ME1: variants seen among roughly 807,000 people sequenced by gnomAD.
ME1 encodes NADP-dependent malic enzyme.
Under a neutral mutation model 66.4 loss-of-function variants are expected in ME1, and 74 were observed. That is an observed-to-expected ratio of 1.11 (90% CI 0.92 to 1.35). ME1 has a LOEUF of 1.35. ME1 is among the 40% of genes most tolerant of loss of function. The probability of loss-of-function intolerance (pLI) is 0.00; values close to 1 mark genes in which losing one functional copy is unlikely to be tolerated. For synonymous variants in ME1, 251 were observed against 235.6 expected (o/e 1.07, Z -0.60); for missense variants, 750 against 694.1 (o/e 1.08, Z -0.90).
chr6:83,420,359 C>T (rs887686557), intron 1 of ME1, among the ~76,000 whole-genome samples: 6 of 152,160 alleles, frequency 3.9e-5, no homozygotes, highest in Non-Finnish European at 8.8e-5. Flanking sequence ...TAAGCCACTG[C>T]GCCCAGTCTG....
chr6:83,360,459 T>C (rs4706987), intron 3 of ME1, among the ~76,000 whole-genome samples: 4 of 152,176 alleles, frequency 2.6e-5, no homozygotes, highest in African/African-American at 4.8e-5. Context: ...CAACTTACAG[T>C]GAGTCCCTGG....
intron 6 of ME1, among the ~76,000 whole-genome samples, chr6:83,272,108 G>C (rs1330456423): frequency 6.6e-6 from 1 of 152,068 alleles, no homozygotes; most frequent in Admixed American, 6.5e-5. Flanking sequence ...CTGTTTTGCT[G>C]TTAAATACTA....
At chr6:83,361,303 C>T (rs1769003205) in intron 3 of ME1, among the ~76,000 whole-genome samples, 2 of 152,214 alleles carry the variant, frequency 1.3e-5, no homozygotes, top group Non-Finnish European at 2.9e-5. Context: ...GGATAAGTTG[C>T]TGCATTTGGC....
At position 83,343,570 on chromosome 6, in the gene ME1, T is replaced by C. The variant is rs535101587; in HGVS notation, c.600+2603A>G. On this transcript the variant is annotated intron_variant, in intron 5 of 13. Coordinates refer to ENST00000369705, the MANE Select transcript of ME1 (RefSeq NM_002395.6). Reference sequence around the variant, plus strand: ...TCATTTAGATAATCAGATTATTTTCTAATTATCAGCTTAAAAATTTTGAAA... The same window carrying C: ...TCATTTAGATAATCAGATTATTTTCCAATTATCAGCTTAAAAATTTTGAAA... 3.3e-5 allele frequency among the ~76,000 whole-genome samples: 5 copies of C among 152,336 alleles called. No homozygotes were observed. The South Asian group carries it at 8.3e-4, about 25-fold the overall frequency.
At chr6:83,221,158 C>A (rs1191672147) in intron 12 of ME1, among the ~76,000 whole-genome samples, 204 of 143,270 alleles carry the variant, frequency 1.4e-3, no homozygotes, top group East Asian at 3.5e-3. Context: ...GACTCCGTCT[C>A]AAAAAAAAAA....
At chr6:83,277,795 G>A (rs552843374) in intron 6 of ME1, among the ~76,000 whole-genome samples, 4 of 151,964 alleles carry the variant, frequency 2.6e-5, no homozygotes, top group Non-Finnish European at 2.9e-5. Context: ...GCAGCTACAC[G>A]GGAGGCTGAG....
chr6:83,399,628 A>G (rs952354054), intron 2 of ME1, among the ~76,000 whole-genome samples: 2 of 152,236 alleles, frequency 1.3e-5, no homozygotes, highest in African/African-American at 4.8e-5. Flanking sequence ...TTTTCTTTCT[A>G]GAAGCATTTC....
At chr6:83,219,740 ATTT>A (rs11324255) in intron 12 of ME1, among the ~76,000 whole-genome samples, 7,436 of 133,212 alleles carry the variant, frequency 0.056, 587 homozygotes, top group African/African-American at 0.19. Flanking sequence ...TGCCCAACTA[ATTT>A]TTTTTTTTTT....
intron 12 of ME1, among the ~76,000 whole-genome samples, chr6:83,220,317 G>A (rs1471783631): frequency 6.6e-6 from 1 of 152,200 alleles, no homozygotes; most frequent in Non-Finnish European, 1.5e-5. Context: ...TTCAGGAGAA[G>A]TGGTGTGAAG....
chr6:83,235,632 A>C (rs934388071), intron 9 of ME1, among the ~76,000 whole-genome samples: 2 of 151,856 alleles, frequency 1.3e-5, no homozygotes, highest in African/African-American at 4.8e-5. Context: ...CACCATGCCC[A>C]GCTAATTTTT....
At chr6:83,391,257 G>C (rs922342454) in intron 3 of ME1, among the ~76,000 whole-genome samples, 7 of 152,028 alleles carry the variant, frequency 4.6e-5, no homozygotes, top group African/African-American at 1.7e-4. Context: ...CCTTATACCA[G>C]ACTACAACAA....
At chr6:83,331,939 A>C (rs191584758) in intron 5 of ME1, among the ~76,000 whole-genome samples, 1 of 152,212 alleles carries the variant, frequency 6.6e-6, no homozygotes, top group Non-Finnish European at 1.5e-5. Context: ...AAGCCTCAAT[A>C]TTAGTCATAT....
At chr6:83,260,491 G>A (rs1766862643) in intron 6 of ME1, among the ~76,000 whole-genome samples, 1 of 152,118 alleles carries the variant, frequency 6.6e-6, no homozygotes, top group South Asian at 2.1e-4. Context: ...TGTTATGGGG[G>A]TTTGTTGTAC....
At chr6:83,397,204 G>C (rs1769750093) in intron 3 of ME1, among the ~76,000 whole-genome samples, 1 of 152,142 alleles carries the variant, frequency 6.6e-6, no homozygotes, top group Non-Finnish European at 1.5e-5. Context: ...TATGGAATAG[G>C]AGAGAATATC....
chr6:83,388,543 A>T (rs1769558668), intron 3 of ME1, among the ~76,000 whole-genome samples: 1 of 152,218 alleles, frequency 6.6e-6, no homozygotes, highest in Admixed American at 6.5e-5. Flanking sequence ...GAATTAGGCT[A>T]TGTATACTAC....
chr6:83,237,779 A>G lies in ME1; in HGVS notation c.964T>C (p.Leu322=). 1.2e-5 allele frequency: 19 copies of G among 1,608,954 alleles called. No individual in the cohort carries two copies. Among genetic ancestry groups the G allele is most frequent in the Non-Finnish European group, 1.6e-5 (19 of 1,177,484 alleles). ...TTTTTGATGGCTTTCTCTTTTGGTAAACCTTCTTTTTCCAAGGCCATCACA... is the reference window on the plus strand; with the variant it reads ...TTTTTGATGGCTTTCTCTTTTGGTAGACCTTCTTTTTCCAAGGCCATCACA... The part of the protein sequence containing the change: ...LIVMALEKEG[L]PKEKAIKKIW... Residue 322 remains leucine (L), a synonymous_variant, in exon 9 of 14, where the codon TTA becomes CTA. Coordinates refer to ENST00000369705, the MANE Select transcript of ME1 (RefSeq NM_002395.6).
At chr6:83,223,720 T>C in intron 12 of ME1, 40 bp downstream of exon 12, 1 of 1,580,030 alleles carries the variant, frequency 6.3e-7, no homozygotes. Context: ...GCACACTTGG[T>C]ATTTTAAACC....
intron 6 of ME1, among the ~76,000 whole-genome samples, chr6:83,274,672 T>C (rs1466134580): frequency 1.3e-5 from 2 of 152,160 alleles, no homozygotes; most frequent in Non-Finnish European, 2.9e-5. Context: ...GTATAAGACA[T>C]ATATTGGGAC....
intron 6 of ME1, among the ~76,000 whole-genome samples, chr6:83,309,722 G>A (rs1256414592): frequency 6.6e-6 from 1 of 152,128 alleles, no homozygotes; most frequent in Non-Finnish European, 1.5e-5. Context: ...TACCAAGGAA[G>A]TGGAGATTAA....
Sources: allele counts gnomAD v4.1 joint callset (sites outside exome capture counted in the v4.1 genomes callset), GRCh38; gene constraint gnomAD v4.1.1; transcripts MANE v1.5; gene names NCBI Gene and HGNC (gene_info 2026-07-23, HGNC 2026-07-21).